Variants in ROR1 observed in about 807,000 individuals in gnomAD.
The protein encoded by ROR1 is inactive tyrosine-protein kinase transmembrane receptor ROR1.
In ROR1, 19 loss-of-function variants were observed where a neutral mutation model predicts 78.8. The ratio of observed to expected loss-of-function variants is 0.24; its 90% CI spans 0.17 to 0.35. The LOEUF (loss-of-function observed/expected upper bound fraction) is 0.35. Among genes scored for constraint, ROR1 ranks in the 10% least tolerant of loss-of-function variants. ROR1 has a pLI of 1.00. For synonymous variants in ROR1, 386 were observed against 433.6 expected, an observed-to-expected ratio of 0.89 and a Z score of 1.36; for missense variants, 917 against 1,177.8, an observed-to-expected ratio of 0.78 and a Z score of 3.24.
At chr1:63,857,266 G>T (rs1645154954) in intron 1 of ROR1, among the ~76,000 whole-genome samples, 2 of 151,804 alleles carry the variant, frequency 1.3e-5, no homozygotes, top group Admixed American at 6.6e-5. Flanking sequence ...CTTGGACATG[G>T]TTTTTACCTA....
chr1:64,103,322 TAAAAAAAAGTTCAAATGCAAAA>T (rs751042354), intron 4 of ROR1, among the ~76,000 whole-genome samples: 86 of 143,580 alleles, frequency 6.0e-4, no homozygotes, highest in Admixed American at 1.2e-3. Flanking sequence ...TAATAAAATT[TAAAAAAAAGTTCAAATGCAAAA>T]AAAAAAAAGT....
chr1:63,827,736 A>G (rs1569779705), intron 1 of ROR1, among the ~76,000 whole-genome samples: 1 of 152,144 alleles, frequency 6.6e-6, no homozygotes, highest in Admixed American at 6.5e-5. Context: ...CCGAGGGGAG[A>G]GCTGGTGCCC....
intron 1 of ROR1, among the ~76,000 whole-genome samples, chr1:64,007,055 G>C (rs1262228397): frequency 6.6e-6 from 1 of 152,134 alleles, no homozygotes. Context: ...GGTTTTACAG[G>C]CTTGAGTACT....
chr1:64,175,642 G>A (rs1284030088), intron 8 of ROR1, among the ~76,000 whole-genome samples: 2 of 152,150 alleles, frequency 1.3e-5, no homozygotes, highest in Non-Finnish European at 2.9e-5. Flanking sequence ...TTTATAATGA[G>A]ACAGTTTATT....
At chr1:63,874,872 A>T (rs187994673) in intron 1 of ROR1, among the ~76,000 whole-genome samples, 209 of 151,706 alleles carry the variant, frequency 1.4e-3, no homozygotes, top group African/African-American at 4.9e-3. Flanking sequence ...CATTTCATCA[A>T]TTTTTTTTTG....
chr1:64,014,773 T>TATATATATATATATATACACACAC (rs71056017), intron 2 of ROR1, among the ~76,000 whole-genome samples: 3 of 47,000 alleles, frequency 6.4e-5, no homozygotes, highest in Admixed American at 3.2e-4. Flanking sequence ...TATATATATA[T>TATATATATATATATATACACACAC]ACACATTTTG....
chr1:63,955,206 A>G (rs1336590110), intron 1 of ROR1, among the ~76,000 whole-genome samples: 1 of 152,212 alleles, frequency 6.6e-6, no homozygotes, highest in Non-Finnish European at 1.5e-5. Context: ...TTAAGTTCAA[A>G]TGTCTGAAGG....
chr1:63,949,159 G>A (rs1645913924), intron 1 of ROR1, among the ~76,000 whole-genome samples: 1 of 152,106 alleles, frequency 6.6e-6, no homozygotes, highest in African/African-American at 2.4e-5. Context: ...AGGAGTGAGT[G>A]CTTGCACAGA....
chr1:64,165,460 A>G (rs1397439646), intron 8 of ROR1, among the ~76,000 whole-genome samples: 6 of 152,148 alleles, frequency 3.9e-5, no homozygotes, highest in Non-Finnish European at 8.8e-5. Flanking sequence ...AATGCTGGAT[A>G]TAAGACTTTC....
chr1:63,855,461 C>A (rs1645142157), intron 1 of ROR1, among the ~76,000 whole-genome samples: 1 of 152,142 alleles, frequency 6.6e-6, no homozygotes, highest in African/African-American at 2.4e-5. Flanking sequence ...GAAGTTGTTC[C>A]TCAACTCACT....
chr1:64,119,512 G>A (rs900140513), intron 4 of ROR1, among the ~76,000 whole-genome samples: 16 of 151,882 alleles, frequency 1.1e-4, no homozygotes, highest in African/African-American at 3.4e-4. Flanking sequence ...GGTGGCAGGC[G>A]CCTGTAATCC....
intron 1 of ROR1, among the ~76,000 whole-genome samples, chr1:63,905,003 T>A (rs1645517607): frequency 6.6e-6 from 1 of 152,114 alleles, no homozygotes; most frequent in South Asian, 2.1e-4. Flanking sequence ...CTCCTGCTTG[T>A]TACAGCTCCT....
chr1:63,927,963 T>C (rs1051506548), intron 1 of ROR1, among the ~76,000 whole-genome samples: 58 of 150,334 alleles, frequency 3.9e-4, no homozygotes, highest in Non-Finnish European at 3.6e-4. Flanking sequence ...GGTTCCCTTT[T>C]TTTTTTTTTT....
intron 1 of ROR1, among the ~76,000 whole-genome samples, chr1:63,857,426 A>G (rs1645155875): frequency 6.6e-6 from 1 of 152,216 alleles, no homozygotes; most frequent in South Asian, 2.1e-4. Context: ...TATCTGTTTT[A>G]TGATGGACCC....
chr1:63,817,045 C>T (rs1644896411), intron 1 of ROR1, among the ~76,000 whole-genome samples: 2 of 152,198 alleles, frequency 1.3e-5, no homozygotes, highest in African/African-American at 4.8e-5. Flanking sequence ...GTTTTCAAAG[C>T]ATTACCCTTC....
intron 1 of ROR1, among the ~76,000 whole-genome samples, chr1:63,803,529 A>G (rs1212964094): frequency 6.6e-6 from 1 of 152,154 alleles, no homozygotes; most frequent in African/African-American, 2.4e-5. Flanking sequence ...TATTTTTAGT[A>G]GAGATGGGGT....
At chr1:63,991,387 C>G (rs1036611888) in intron 1 of ROR1, among the ~76,000 whole-genome samples, 1 of 152,162 alleles carries the variant, frequency 6.6e-6, no homozygotes, top group Non-Finnish European at 1.5e-5. Context: ...AGATCACAGC[C>G]ATTTTTCAGA....
intron 1 of ROR1, among the ~76,000 whole-genome samples, chr1:63,842,109 C>A (rs1037207861): frequency 6.6e-6 from 1 of 152,104 alleles, no homozygotes; most frequent in Non-Finnish European, 1.5e-5. Context: ...AACAAACAAA[C>A]AAAAAAACCA....
chr1:64,009,102 T>C (rs1646454299), intron 1 of ROR1, among the ~76,000 whole-genome samples: 1 of 152,156 alleles, frequency 6.6e-6, no homozygotes, highest in African/African-American at 2.4e-5. Flanking sequence ...GCCAATAGAT[T>C]GTTCATTTGG....
Sources: allele counts gnomAD v4.1 joint callset (sites outside exome capture counted in the v4.1 genomes callset), GRCh38; gene constraint gnomAD v4.1.1; transcripts MANE v1.5; gene names NCBI Gene and HGNC (gene_info 2026-07-23, HGNC 2026-07-21).